Variants in FAF1 observed in about 807,000 individuals in gnomAD.
The protein encoded by FAF1 is Fas associated factor 1.
A neutral mutation model predicts 92.5 loss-of-function variants in FAF1; 25 were observed. That is an observed-to-expected ratio of 0.27 (90% CI 0.20 to 0.38). The LOEUF (loss-of-function observed/expected upper bound fraction) is 0.38. FAF1 is among the 10% of genes least tolerant of loss of function. The pLI is 1.00. For synonymous variants in FAF1, 234 were observed against 273.2 expected (o/e 0.86, Z 1.42); for missense variants, 636 against 793.3 (o/e 0.80, Z 2.38).
chr1:50,672,490 G>A (rs926742288), intron 7 of FAF1, among the ~76,000 whole-genome samples: 3 of 151,686 alleles, frequency 2.0e-5, no homozygotes, highest in East Asian at 1.9e-4. Flanking sequence ...GCCATGTTGC[G>A]CAGGCTGGTC....
intron 7 of FAF1, among the ~76,000 whole-genome samples, chr1:50,665,914 C>T (rs1655601448): frequency 6.6e-6 from 1 of 152,098 alleles, no homozygotes; most frequent in Admixed American, 6.5e-5. Flanking sequence ...CAGAGGATCA[C>T]ACCTGTAATC....
intron 8 of FAF1, among the ~76,000 whole-genome samples, chr1:50,639,546 C>T (rs563484770): frequency 2.6e-5 from 4 of 152,194 alleles, no homozygotes; most frequent in Non-Finnish European, 4.4e-5. Flanking sequence ...GCACCATCCA[C>T]GTACTCCTGA....
intron 4 of FAF1, among the ~76,000 whole-genome samples, chr1:50,779,991 G>GACAGACACACACACACACACACACACAC (rs369288416): frequency 1.4e-5 from 2 of 145,436 alleles, no homozygotes; most frequent in Admixed American, 6.9e-5. Context: ...CAGACAGACA[G>GACAGACACACACACACACACACACACAC]ACACACACAC....
At chr1:50,906,067 GA>G (rs1194133295) in intron 1 of FAF1, among the ~76,000 whole-genome samples, 1 of 152,144 alleles carries the variant, frequency 6.6e-6, no homozygotes, top group African/African-American at 2.4e-5. Flanking sequence ...AAGGTGTAAG[GA>G]AGGGATCCAG....
chr1:50,673,420 A>G (rs1655986286), intron 7 of FAF1, among the ~76,000 whole-genome samples: 1 of 152,216 alleles, frequency 6.6e-6, no homozygotes, highest in African/African-American at 2.4e-5. Flanking sequence ...GCAGGCAAAA[A>G]ATACATACTG....
At chr1:50,853,004 T>C (rs765950530) in intron 2 of FAF1, among the ~76,000 whole-genome samples, 2 of 152,308 alleles carry the variant, frequency 1.3e-5, no homozygotes, top group East Asian at 3.9e-4. Flanking sequence ...GTAGCAAGCA[T>C]CTGTGCAAAT....
intron 1 of FAF1, among the ~76,000 whole-genome samples, chr1:50,888,555 T>C (rs1644689745): frequency 1.3e-5 from 2 of 152,232 alleles, no homozygotes; most frequent in South Asian, 4.1e-4. Flanking sequence ...ATCCCATTAA[T>C]ACCTAATTTA....
rs59066916 is a variant in FAF1 at position 50,556,856 on chromosome 1, T to TAAAATAAA, written c.1268+10220_1268+10221insTTTATTTT. 3.0e-3 allele frequency among the ~76,000 whole-genome samples: 454 copies of TAAAATAAA among 151,264 alleles called. 3 individuals are homozygous for TAAAATAAA. Among genetic ancestry groups the TAAAATAAA allele is most frequent in the African/African-American group, 0.011 (434 of 41,284 alleles). ...CTGTCTCAAACATAAAATAAAATAATATAAAATAAAATAAAATAAAATAAA... is the reference window on the plus strand; with the variant it reads ...CTGTCTCAAACATAAAATAAAATAATAAAATAAAATAAAATAAAATAAAATAAAATAAA... On this transcript the variant is annotated intron_variant, in intron 13 of 18. Coordinates refer to ENST00000396153, the MANE Select transcript of FAF1 (RefSeq NM_007051.3).
At chr1:50,765,587 T>C (rs903860497) in intron 4 of FAF1, among the ~76,000 whole-genome samples, 3 of 152,292 alleles carry the variant, frequency 2.0e-5, no homozygotes, top group Non-Finnish European at 4.4e-5. Context: ...AATCAGAATG[T>C]AGCACATTAC....
chr1:50,639,933 C>CAAAAAAAAAAAAAAAAA (rs1197342810), intron 8 of FAF1, among the ~76,000 whole-genome samples: 2 of 70,160 alleles, frequency 2.9e-5, no homozygotes, highest in South Asian at 5.1e-4. Flanking sequence ...GACTCGATCT[C>CAAAAAAAAAAAAAAAAA]AAAAAAAAAA....
intron 2 of FAF1, among the ~76,000 whole-genome samples, chr1:50,823,046 T>C (rs917402354): frequency 5.3e-5 from 8 of 152,142 alleles, no homozygotes; most frequent in African/African-American, 1.7e-4. Flanking sequence ...AGTGTTGGGA[T>C]TGCAGGCTTG....
chr1:50,911,903 G>C (rs979770151), intron 1 of FAF1, among the ~76,000 whole-genome samples: 3 of 151,972 alleles, frequency 2.0e-5, no homozygotes, highest in African/African-American at 7.3e-5. Context: ...CAGGCATGGT[G>C]GCATGCCCCT....
At chr1:50,565,007 T>C (rs1196465725) in intron 13 of FAF1, among the ~76,000 whole-genome samples, 2 of 152,100 alleles carry the variant, frequency 1.3e-5, no homozygotes, top group African/African-American at 2.4e-5. Context: ...AAAAAACTTT[T>C]ATGTTTGGAG....
intron 2 of FAF1, among the ~76,000 whole-genome samples, chr1:50,815,789 C>T (rs944093301): frequency 1.3e-5 from 2 of 151,980 alleles, no homozygotes; most frequent in Non-Finnish European, 2.9e-5. Flanking sequence ...TTTGGGAGGC[C>T]GAGACGGGCG....
At chr1:50,710,916 T>G (rs1473353491) in intron 6 of FAF1, among the ~76,000 whole-genome samples, 2 of 137,090 alleles carry the variant, frequency 1.5e-5, no homozygotes, top group Non-Finnish European at 3.2e-5. Context: ...GGCATTTGTT[T>G]TTTTTTTTTT....
At chr1:50,891,724 G>A (rs780728811) in intron 1 of FAF1, among the ~76,000 whole-genome samples, 4 of 152,188 alleles carry the variant, frequency 2.6e-5, no homozygotes, top group Non-Finnish European at 4.4e-5. Flanking sequence ...TTGAAGTTTC[G>A]TCTCAGAGAG....
intron 15 of FAF1, among the ~76,000 whole-genome samples, chr1:50,521,005 C>T (rs1647469838): frequency 6.6e-6 from 1 of 152,144 alleles, no homozygotes; most frequent in African/African-American, 2.4e-5. Context: ...CCTTAAAGAA[C>T]AGGACTGGCA....
chr1:50,846,880 T>G (rs1315808196), intron 2 of FAF1: 3 of 443,856 alleles, frequency 6.8e-6, no homozygotes, highest in African/African-American at 6.2e-5. Flanking sequence ...TTTAATCCCT[T>G]CATATTTGAG....
At chr1:50,820,225 GTGAA>G (rs992585215) in intron 2 of FAF1, among the ~76,000 whole-genome samples, 22 of 152,244 alleles carry the variant, frequency 1.4e-4, no homozygotes, top group Admixed American at 1.2e-3. Flanking sequence ...TCACAACAAT[GTGAA>G]CATAGTTAAT....
Sources: gnomAD v4.1 joint callset for allele counts (sites outside exome capture counted in the v4.1 genomes callset) on GRCh38, gnomAD v4.1.1 for gene constraint, MANE v1.5 for transcripts, NCBI Gene and HGNC (gene_info 2026-07-23, HGNC 2026-07-21) for gene names.